Variants in LRRTM3 observed in about 807,000 individuals in gnomAD.
LRRTM3 encodes the protein leucine rich repeat transmembrane neuronal 3.
Under a neutral mutation model 44.7 loss-of-function variants are expected in LRRTM3, and 24 were observed. That is an observed-to-expected ratio of 0.54 (90% CI 0.39 to 0.76). The LOEUF (loss-of-function observed/expected upper bound fraction) is 0.76. Among genes scored for constraint, LRRTM3 ranks in the 30% least tolerant of loss-of-function variants. The pLI, the probability that LRRTM3 is intolerant of heterozygous loss-of-function variation, is 0.00. For synonymous variants in LRRTM3, 277 were observed against 278.7 expected (o/e 0.99, Z 0.06); for missense variants, 587 against 702.2 (o/e 0.84, Z 1.85).
intron 2 of LRRTM3, among the ~76,000 whole-genome samples, chr10:67,040,733 G>A (rs1282113266): frequency 3.9e-5 from 6 of 151,996 alleles, no homozygotes; most frequent in Non-Finnish European, 8.8e-5. Flanking sequence ...TAACCAAGAT[G>A]TCAGGAAAAA....
At chr10:66,963,987 C>T (rs1849263402) in intron 2 of LRRTM3, among the ~76,000 whole-genome samples, 1 of 151,982 alleles carries the variant, frequency 6.6e-6, no homozygotes, top group Non-Finnish European at 1.5e-5. Context: ...GCTGGGTTTA[C>T]AGGCATGCAC....
intron 2 of LRRTM3, among the ~76,000 whole-genome samples, chr10:67,023,542 C>T (rs1220179069): frequency 2.0e-5 from 3 of 152,158 alleles, no homozygotes; most frequent in Non-Finnish European, 4.4e-5. Context: ...ATACATGATT[C>T]TTCCACTTCT....
chr10:66,989,981 TAC>T (rs1850955146), intron 2 of LRRTM3, among the ~76,000 whole-genome samples: 2 of 152,312 alleles, frequency 1.3e-5, no homozygotes, highest in East Asian at 3.9e-4. Context: ...TCTTAGTTTA[TAC>T]ACACATTTTC....
At chr10:67,078,961 A>C (rs1283254799) in intron 2 of LRRTM3, among the ~76,000 whole-genome samples, 1 of 152,212 alleles carries the variant, frequency 6.6e-6, no homozygotes, top group East Asian at 1.9e-4. Context: ...GTGACTTAGA[A>C]CACTGGCATA....
intron 2 of LRRTM3, among the ~76,000 whole-genome samples, chr10:67,095,298 G>A (rs550707174): frequency 7.3e-5 from 11 of 151,620 alleles, no homozygotes; most frequent in South Asian, 2.1e-4. Context: ...AAACATTCAC[G>A]TTGCTTATAA....
At chr10:67,014,454 C>T (rs1280167637) in intron 2 of LRRTM3, among the ~76,000 whole-genome samples, 2 of 152,056 alleles carry the variant, frequency 1.3e-5, no homozygotes, top group Admixed American at 6.6e-5. Flanking sequence ...CAGGTGGTGC[C>T]TGTTTGTAAC....
chr10:67,028,544 C>T (rs796630037), intron 2 of LRRTM3, among the ~76,000 whole-genome samples: 59 of 150,182 alleles, frequency 3.9e-4, no homozygotes, highest in African/African-American at 1.1e-3. Flanking sequence ...ATCGAGCAGA[C>T]ATTTTGAAAA....
At position 66,985,670 on chromosome 10, in the gene LRRTM3, G is replaced by A. The variant is rs865890485; in HGVS notation, c.1536+57218G>A. Among the ~76,000 whole-genome samples the A allele has an allele frequency of 2.8e-4, 43 of 152,174 alleles. 1 individual carries two copies. In the Middle Eastern group the frequency reaches 0.01, roughly 36 times the overall value. ...AAGGGCAGGTGGAAATGATCATCAA[G>A]AACCCAATCCCATTGCCCCTAGTCA... On this transcript the variant is annotated intron_variant, in intron 2 of 2. Coordinates refer to ENST00000361320, the MANE Select transcript of LRRTM3 (RefSeq NM_178011.5).
intron 2 of LRRTM3, among the ~76,000 whole-genome samples, chr10:67,093,903 CG>C (rs1391698022): frequency 6.6e-6 from 1 of 151,860 alleles, no homozygotes; most frequent in Admixed American, 6.6e-5. Context: ...TTGAAAGGGA[CG>C]GATAATCTCT....
chr10:67,043,135 C>T lies in LRRTM3; in HGVS notation c.1537-54452C>T, dbSNP rs67839629. 4.8e-3 allele frequency among the ~76,000 whole-genome samples: 493 copies of T among 103,710 alleles called. 95 individuals are homozygous for T. The highest frequency in any genetic ancestry group is 0.01 in the East Asian group (31 of 2,956). The allele number at this position is 103,710 out of a possible 152,430, so 68.0% of individuals were successfully genotyped here. A position where few individuals can be genotyped will look rare whatever the true frequency, so the allele number is the denominator to read the frequency against. ...TCATGCCTCAAGGCTCACTTTCTTT[C>T]TTTTTTTTTTTTTTTTTCTGTGCAA... On this transcript the variant is annotated intron_variant, in intron 2 of 2. Transcript: ENST00000361320.
At chr10:67,062,701 T>C (rs143747179) in intron 2 of LRRTM3, among the ~76,000 whole-genome samples, 128 of 152,314 alleles carry the variant, frequency 8.4e-4, no homozygotes, top group African/African-American at 2.9e-3. Flanking sequence ...TATACACTTT[T>C]CCCTGCATTG....
chr10:67,037,043 T>C (rs1854104321), intron 2 of LRRTM3, among the ~76,000 whole-genome samples: 1 of 152,186 alleles, frequency 6.6e-6, no homozygotes, highest in Non-Finnish European at 1.5e-5. Context: ...GTTCCGGGGC[T>C]ACCTGGAGAC....
chr10:66,957,522 G>A (rs1564794146), intron 2 of LRRTM3, among the ~76,000 whole-genome samples: 1 of 150,472 alleles, frequency 6.6e-6, no homozygotes, highest in Non-Finnish European at 1.5e-5. Flanking sequence ...GGGCATAGTG[G>A]GAAGGACATT....
intron 2 of LRRTM3, among the ~76,000 whole-genome samples, chr10:67,068,944 C>G (rs981146529): frequency 3.9e-5 from 6 of 152,138 alleles, no homozygotes; most frequent in African/African-American, 1.4e-4. Flanking sequence ...CCTGTAATCC[C>G]AGCTACTCAG....
intron 2 of LRRTM3, among the ~76,000 whole-genome samples, chr10:67,064,176 T>C (rs1855928735): frequency 6.6e-6 from 1 of 152,206 alleles, no homozygotes; most frequent in Admixed American, 6.6e-5. Context: ...TCTTTCATCT[T>C]ACATCATTAG....
At chr10:66,955,632 C>T (rs1293311881) in intron 2 of LRRTM3, among the ~76,000 whole-genome samples, 1 of 152,152 alleles carries the variant, frequency 6.6e-6, no homozygotes, top group Non-Finnish European at 1.5e-5. Context: ...TGGATAGACA[C>T]ACGACTGCAT....
At chr10:67,017,685 A>G (rs1852738914) in intron 2 of LRRTM3, among the ~76,000 whole-genome samples, 1 of 152,084 alleles carries the variant, frequency 6.6e-6, no homozygotes, top group Admixed American at 6.6e-5. Flanking sequence ...TTAGTAGGTT[A>G]ATCAAAAAAG....
chr10:66,936,213 T>A (rs1177149856), intron 2 of LRRTM3, among the ~76,000 whole-genome samples: 2 of 152,152 alleles, frequency 1.3e-5, no homozygotes, highest in Admixed American at 6.6e-5. Flanking sequence ...GAGTCTTTAT[T>A]AGTTTACACT....
At chr10:66,978,554 T>A (rs866900351) in intron 2 of LRRTM3, among the ~76,000 whole-genome samples, 1,449 of 60,980 alleles carry the variant, frequency 0.024, 40 homozygotes, top group African/African-American at 0.049. Flanking sequence ...AAAAAAAAAA[T>A]ATATATATAT....
Sources: gnomAD v4.1 joint callset for allele counts (sites outside exome capture counted in the v4.1 genomes callset) on GRCh38, gnomAD v4.1.1 for gene constraint, MANE v1.5 for transcripts, NCBI Gene and HGNC (gene_info 2026-07-23, HGNC 2026-07-21) for gene names.